Variants in TRPM3 observed in about 807,000 individuals in gnomAD.
TRPM3 encodes the protein long transient receptor potential channel 3.
Under a neutral mutation model 181.2 loss-of-function variants are expected in TRPM3, and 77 were observed. That is an observed-to-expected ratio of 0.42 (90% CI 0.35 to 0.51). TRPM3 has a LOEUF of 0.51. Ranked by LOEUF, TRPM3 falls within the 20% of genes least tolerant of loss-of-function variation. The probability of loss-of-function intolerance (pLI) is 0.01; values close to 1 mark genes in which losing one functional copy is unlikely to be tolerated. For synonymous variants in TRPM3, 745 were observed against 796.4 expected, an observed-to-expected ratio of 0.94 and a Z score of 1.09; for missense variants, 1,759 against 2,196.7, an observed-to-expected ratio of 0.80 and a Z score of 3.98.
intron 8 of TRPM3, among the ~76,000 whole-genome samples, chr9:70,752,970 T>C (rs183479591): frequency 1.3e-5 from 2 of 151,706 alleles, no homozygotes; most frequent in East Asian, 3.9e-4. Flanking sequence ...ATTAGCTGAG[T>C]GTGGTGGTTG....
intron 1 of TRPM3, among the ~76,000 whole-genome samples, chr9:71,430,244 T>C (rs1268983375): frequency 6.6e-6 from 1 of 152,196 alleles, no homozygotes; most frequent in Non-Finnish European, 1.5e-5. Flanking sequence ...ATATGAAATA[T>C]TAAACTTTTA....
intron 22 of TRPM3, among the ~76,000 whole-genome samples, chr9:70,589,749 A>G (rs2057789038): frequency 6.6e-6 from 1 of 152,208 alleles, no homozygotes; most frequent in African/African-American, 2.4e-5. Context: ...GTGTTCCAAA[A>G]AGTCTTGATT....
intron 6 of TRPM3, among the ~76,000 whole-genome samples, chr9:70,821,055 G>C (rs1032626615): frequency 1.3e-5 from 2 of 152,150 alleles, no homozygotes; most frequent in Non-Finnish European, 2.9e-5. Context: ...AACCAGAAAA[G>C]ATGACTGTTA....
intron 1 of TRPM3, among the ~76,000 whole-genome samples, chr9:71,368,244 C>T (rs911828411): frequency 2.6e-5 from 4 of 152,112 alleles, no homozygotes; most frequent in Non-Finnish European, 4.4e-5. Context: ...GTTGATTTGA[C>T]CATCTGATTA....
chr9:70,967,511 A>G (rs960793752), intron 1 of TRPM3, among the ~76,000 whole-genome samples: 2 of 152,166 alleles, frequency 1.3e-5, no homozygotes, highest in Non-Finnish European at 2.9e-5. Flanking sequence ...AACTTATACT[A>G]CAGATAGTTG....
chr9:70,995,688 G>A (rs1322969718), intron 1 of TRPM3, among the ~76,000 whole-genome samples: 3 of 152,112 alleles, frequency 2.0e-5, no homozygotes, highest in Admixed American at 1.3e-4. Flanking sequence ...TATGTCAGAG[G>A]TTCCTAGCAT....
chr9:71,156,630 T>C (rs1157438364), intron 1 of TRPM3, among the ~76,000 whole-genome samples: 2 of 152,134 alleles, frequency 1.3e-5, no homozygotes, highest in African/African-American at 4.8e-5. Context: ...ATAATTATTT[T>C]ATTGTTTTTC....
At chr9:70,773,007 AT>A (rs567597379) in intron 7 of TRPM3, among the ~76,000 whole-genome samples, 39 of 152,134 alleles carry the variant, frequency 2.6e-4, no homozygotes, top group Middle Eastern at 6.8e-3. Context: ...GCTGGACTGA[AT>A]TTTTGGGGCC....
chr9:71,423,717 C>CAT (rs1324979100), intron 1 of TRPM3, among the ~76,000 whole-genome samples: 1 of 152,042 alleles, frequency 6.6e-6, no homozygotes, highest in African/African-American at 2.4e-5. Flanking sequence ...CACACACACA[C>CAT]ATAAAGCTTT....
rs1401490381 is a variant in TRPM3 at position 71,027,816 on chromosome 9, G to A, written c.177+93362C>T. On this transcript the variant is annotated intron_variant, in intron 1 of 25. Transcript: ENST00000677713. ...AAAACTCTGAGAAATATGGGATTAT[G>A]TAAAGAGACCAAATCTATGAATCAC... 1.8e-4 allele frequency among the ~76,000 whole-genome samples: 27 copies of A among 152,166 alleles called. 1 individual carries two copies. The highest frequency in any genetic ancestry group is 1.8e-3 in the Admixed American group (27 of 15,284).
intron 3 of TRPM3, among the ~76,000 whole-genome samples, chr9:70,858,653 C>T (rs182183743): frequency 1.7e-4 from 26 of 152,076 alleles, no homozygotes; most frequent in East Asian, 9.7e-4. Flanking sequence ...GAAAGGTTTA[C>T]GCTCGTAGGG....
At chr9:70,602,912 C>T (rs1009112564) in intron 20 of TRPM3, among the ~76,000 whole-genome samples, 1 of 152,092 alleles carries the variant, frequency 6.6e-6, no homozygotes, top group Non-Finnish European at 1.5e-5. Flanking sequence ...GAGAATAAAT[C>T]CAATCAGTGA....
rs1167740874 is a variant in TRPM3, at chr9:71,139,025, A to AT, written c.184-274515dup. ...GGTAGCATAACTTACTTGTCTGTAG[A>AT]TTTTATGACCTTCATCCTTCTCTCC... is the stretch of plus-strand genomic sequence containing the variant. On this transcript the variant is annotated intron_variant, in intron 1 of 24. Coordinates refer to the TRPM3 transcript ENST00000357533. Among the ~76,000 whole-genome samples the AT allele has an allele frequency of 2.0e-5, 3 of 152,138 alleles. No individual in the cohort carries two copies. The East Asian group carries it at 5.8e-4, about 29-fold the overall frequency.
chr9:70,648,166 T>C (rs1036787768), intron 9 of TRPM3, among the ~76,000 whole-genome samples: 1 of 152,204 alleles, frequency 6.6e-6, no homozygotes, highest in African/African-American at 2.4e-5. Flanking sequence ...ACTACCAGTG[T>C]AATTTTTCAT....
At chr9:70,932,494 T>G (rs1289382285) in intron 1 of TRPM3, among the ~76,000 whole-genome samples, 2 of 152,156 alleles carry the variant, frequency 1.3e-5, no homozygotes, top group Non-Finnish European at 2.9e-5. Flanking sequence ...TAAATATTCA[T>G]GTATTTGAAT....
At position 70,660,532 on chromosome 9, in the gene TRPM3, C is replaced by A. The variant is rs147524267; in HGVS notation, c.1346-19872G>T. Among the ~76,000 whole-genome samples, 623 of 152,114 alleles carry A rather than the reference C, an allele frequency of 4.1e-3. 5 individuals are homozygous for A. The highest frequency in any genetic ancestry group is 0.014 in the African/African-American group (596 of 41,512). On this transcript the variant is annotated intron_variant, in intron 9 of 25. Coordinates refer to ENST00000677713, the MANE Select transcript of TRPM3 (RefSeq NM_001366145.2). The stretch of plus-strand genomic sequence containing the variant: ...TGTATAAAACCAAACTGTGCTCTGA[C>A]CATAACTCCTCAGAACTTGCTAAGA...
chr9:71,122,267 A>C (rs1055839135), upstream of TRPM3, among the ~76,000 whole-genome samples: 3 of 152,218 alleles, frequency 2.0e-5, no homozygotes, highest in African/African-American at 7.2e-5. Context: ...GGCTGTATGA[A>C]ATAGTTGCTG....
intron 1 of TRPM3, among the ~76,000 whole-genome samples, chr9:71,329,700 A>G (rs1363432535): frequency 6.6e-6 from 1 of 152,212 alleles, no homozygotes; most frequent in Non-Finnish European, 1.5e-5. Context: ...TCTAAATTCT[A>G]GAGTTCTCCT....
chr9:71,182,727 T>G (rs1283262606), intron 1 of TRPM3, among the ~76,000 whole-genome samples: 2 of 152,148 alleles, frequency 1.3e-5, no homozygotes, highest in African/African-American at 4.8e-5. Context: ...AGTGATGACA[T>G]CTTGGCTCAT....
Sources: allele counts gnomAD v4.1 joint callset (sites outside exome capture counted in the v4.1 genomes callset), GRCh38; gene constraint gnomAD v4.1.1; transcripts MANE v1.5; gene names NCBI Gene and HGNC (gene_info 2026-07-23, HGNC 2026-07-21).